Variants in PRKG1 observed in about 807,000 individuals in gnomAD.
PRKG1 encodes cGMP-dependent protein kinase 1.
In PRKG1, 35 loss-of-function variants were observed where a neutral mutation model predicts 88.1. The observed-to-expected ratio is 0.40, with a 90% CI of 0.30 to 0.53. The LOEUF (loss-of-function observed/expected upper bound fraction) is 0.53. Ranked by LOEUF, PRKG1 falls within the 20% of genes least tolerant of loss-of-function variation. The pLI is 0.59. For missense variants in PRKG1, 540 were observed against 839.8 expected, an observed-to-expected ratio of 0.64 and a Z score of 4.41; for synonymous variants, 303 against 292.5, an observed-to-expected ratio of 1.04 and a Z score of -0.37.
intron 1 of PRKG1, among the ~76,000 whole-genome samples, chr10:51,049,942 C>T (rs1383136080): frequency 1.3e-5 from 2 of 152,048 alleles, no homozygotes; most frequent in Admixed American, 6.5e-5. Flanking sequence ...AATTAGAGCT[C>T]AGGTAAGAAT....
At chr10:52,050,134 A>G (rs17641202) in intron 5 of PRKG1, among the ~76,000 whole-genome samples, 29,995 of 151,886 alleles carry the variant, frequency 0.2, 3,319 homozygotes, top group Admixed American at 0.31. Flanking sequence ...AAAGTAGGAT[A>G]TAACTAGGGA....
rs1483509034 is a variant in PRKG1 at position 51,260,806 on chromosome 10, A to G, written c.478+107476A>G. ...CCAAGAAATTATATGAATTTTAAAA[A>G]ATGGTTTAGGTGAGACTTAGCCATC... On this transcript the variant is annotated intron_variant, in intron 2 of 17. Transcript: ENST00000373980. Among the ~76,000 whole-genome samples, 3 of 152,236 alleles carry G rather than the reference A, an allele frequency of 2.0e-5. No individual in the cohort carries two copies. In the East Asian group the frequency reaches 5.8e-4, roughly 29 times the overall value.
intron 1 of PRKG1, among the ~76,000 whole-genome samples, chr10:51,047,125 G>T (rs1843499560): frequency 6.6e-6 from 1 of 152,130 alleles, no homozygotes; most frequent in South Asian, 2.1e-4. Context: ...CTTCTTTGTG[G>T]TCACTTATTG....
chr10:52,061,327 A>T (rs1337570388), intron 6 of PRKG1, among the ~76,000 whole-genome samples: 1 of 152,078 alleles, frequency 6.6e-6, no homozygotes, highest in Non-Finnish European at 1.5e-5. Flanking sequence ...TAATCTCTAG[A>T]TTCAGAAACT....
At chr10:52,071,860 T>C (rs7919491) in intron 7 of PRKG1, among the ~76,000 whole-genome samples, 7,391 of 152,276 alleles carry the variant, frequency 0.049, 599 homozygotes, top group African/African-American at 0.17. Context: ...GAAGATAACA[T>C]TGAAAGAATT....
At chr10:51,578,088 C>T (rs923321808) in intron 3 of PRKG1, among the ~76,000 whole-genome samples, 7 of 152,048 alleles carry the variant, frequency 4.6e-5, no homozygotes, top group Non-Finnish European at 7.4e-5. Flanking sequence ...ATCCCTCTTC[C>T]TAGAGAGTTG....
At chr10:52,166,251 T>C (rs927922752) in intron 9 of PRKG1, among the ~76,000 whole-genome samples, 4 of 151,982 alleles carry the variant, frequency 2.6e-5, no homozygotes, top group Non-Finnish European at 5.9e-5. Flanking sequence ...AATTTACTTA[T>C]GGTGAGTCAG....
At chr10:51,308,056 A>T (rs1373893130) in intron 2 of PRKG1, among the ~76,000 whole-genome samples, 1 of 152,224 alleles carries the variant, frequency 6.6e-6, no homozygotes, top group Non-Finnish European at 1.5e-5. Context: ...ACAATTAACA[A>T]CTGGGAATTC....
intron 2 of PRKG1, among the ~76,000 whole-genome samples, chr10:51,279,211 T>C (rs1367980229): frequency 6.6e-6 from 1 of 152,238 alleles, no homozygotes; most frequent in African/African-American, 2.4e-5. Context: ...TTTTGTTATG[T>C]ACCCAATAGT....
chr10:51,115,104 A>C (rs374356554), intron 1 of PRKG1, among the ~76,000 whole-genome samples: 2 of 151,604 alleles, frequency 1.3e-5, no homozygotes, highest in South Asian at 4.2e-4. Context: ...TCACGAGGTC[A>C]GGAGTTCGAG....
intron 7 of PRKG1, among the ~76,000 whole-genome samples, chr10:52,085,625 G>C (rs1457874812): frequency 6.6e-6 from 1 of 151,926 alleles, no homozygotes; most frequent in Non-Finnish European, 1.5e-5. Flanking sequence ...TGGAGTCAAG[G>C]GCTATAAGAG....
intron 3 of PRKG1, among the ~76,000 whole-genome samples, chr10:51,554,228 A>G (rs1341826954): frequency 3.4e-5 from 5 of 146,926 alleles, no homozygotes; most frequent in South Asian, 4.2e-4. Context: ...TTATATATGC[A>G]TATATGATAT....
At chr10:52,293,562 A>G (rs888115111) in intron 17 of PRKG1, among the ~76,000 whole-genome samples, 1 of 152,128 alleles carries the variant, frequency 6.6e-6, no homozygotes, top group African/African-American at 2.4e-5. Context: ...TATTATATAG[A>G]AAGATTTTAG....
intron 2 of PRKG1, among the ~76,000 whole-genome samples, chr10:51,221,829 C>A (rs1451984790): frequency 2.0e-5 from 3 of 150,904 alleles, no homozygotes; most frequent in South Asian, 4.2e-4. Context: ...AAAAGAGGAG[C>A]ATTTTTCTTC....
In PRKG1 at chr10:52,062,944, A is replaced by G. The variant is rs370255991; in HGVS notation, c.935+313A>G. The stretch of plus-strand genomic sequence containing the variant: ...GGAATTCCCTGCTAAACTTTGTGCA[A>G]TGATTTTACTCAGAATCATTAAGAT... On this transcript the variant is annotated intron_variant, in intron 7 of 17. Transcript: ENST00000373980. 8.3e-5 allele frequency: 52 copies of G among 624,070 alleles called. No individual in the cohort carries two copies. The East Asian group carries it at 8.6e-4, about 10-fold the overall frequency. The allele number at this position is 624,070 out of a possible 1,614,324, so 38.7% of individuals were successfully genotyped here.
chr10:52,074,920 T>C (rs771178993), intron 7 of PRKG1, among the ~76,000 whole-genome samples: 1 of 152,236 alleles, frequency 6.6e-6, no homozygotes, highest in Non-Finnish European at 1.5e-5. Flanking sequence ...TGGTTCTTAT[T>C]CCTTGTTCAT....
intron 1 of PRKG1, among the ~76,000 whole-genome samples, chr10:51,083,445 C>T (rs1228200413): frequency 1.3e-5 from 2 of 152,006 alleles, no homozygotes; most frequent in East Asian, 3.9e-4. Context: ...ATGATGAGCG[C>T]CTCTTGGAAG....
chr10:51,638,553 T>G (rs1225139595), intron 3 of PRKG1, among the ~76,000 whole-genome samples: 1 of 152,212 alleles, frequency 6.6e-6, no homozygotes, highest in African/African-American at 2.4e-5. Flanking sequence ...AATAAGACAT[T>G]GATTCTTTGT....
At chr10:51,640,140 T>C (rs4486574) in intron 3 of PRKG1, among the ~76,000 whole-genome samples, 129,654 of 152,190 alleles carry the variant, frequency 0.85, 56,311 homozygotes, top group Middle Eastern at 0.95. Context: ...ATTTCTACCA[T>C]AACACTTCCA....
Sources: gnomAD v4.1 joint callset for allele counts (sites outside exome capture counted in the v4.1 genomes callset) on GRCh38, gnomAD v4.1.1 for gene constraint, MANE v1.5 for transcripts, NCBI Gene and HGNC (gene_info 2026-07-23, HGNC 2026-07-21) for gene names.